The following MGA variants were observed in gnomAD, a reference collection of about 807,000 sequenced individuals.
MGA encodes MAX dimerization protein MGA.
Under a neutral mutation model 261.1 loss-of-function variants are expected in MGA, and 40 were observed. The ratio of observed to expected loss-of-function variants is 0.15; its 90% confidence interval spans 0.12 to 0.20. MGA has a LOEUF of 0.20. Among genes scored for constraint, MGA ranks in the 10% least tolerant of loss-of-function variants. The pLI, the probability that MGA is intolerant of heterozygous loss-of-function variation, is 1.00. For missense variants in MGA, 3,397 were observed against 3,630.5 expected (o/e 0.94, Z 1.65); for synonymous variants, 1,302 against 1,290.6 (o/e 1.01, Z -0.19).
chr15:41,676,099 C>T (rs1471739067), intron 2 of MGA, among the ~76,000 whole-genome samples: 1 of 152,132 alleles, frequency 6.6e-6, no homozygotes, highest in African/African-American at 2.4e-5. Context: ...CCTGGAGTTT[C>T]TGGCACATAT....
At position 41,668,898 on chromosome 15, in the gene MGA, G is replaced by A. The variant is rs1416391044; in HGVS notation, c.4G>A (p.Glu2Lys). The A allele has an allele frequency of 1.9e-6, 3 of 1,550,316 alleles. No homozygotes were observed. The highest frequency in any genetic ancestry group is 2.6e-6 in the Non-Finnish European group (3 of 1,142,308). The change falls in exon 2 of 24, where the codon GAG becomes AAG. Residue 2 changes from glutamate to lysine, a missense_variant. Around this residue, in one of 9 missense-constraint regions of MGA, gnomAD observed 81 missense variants for 84.3 expected, o/e 0.96. Coordinates refer to ENST00000219905, the MANE Select transcript of MGA (RefSeq NM_001164273.2). ...TACTGAGTTTCCTACTGAAATCATG[G>A]AGGAGAAACAGCAGATTATATTGGC...
In MGA at chr15:41,713,253, T is replaced by C; in HGVS notation, c.3187T>C (p.Leu1063=). The C allele has an allele frequency of 6.2e-7, 1 of 1,613,962 alleles. No individual in the cohort carries two copies. Among genetic ancestry groups the C allele is most frequent in the Non-Finnish European group, 8.5e-7 (1 of 1,179,874 alleles). The change falls in exon 9 of 24, where the codon TTG becomes CTG. Residue 1063 remains leucine (L), a synonymous_variant. Transcript: ENST00000219905. ...GGGTTGTGTATGTTCCAGTCTAGCT[T>C]TGGAGAAGCGCCAACCTGCTCACTG... is the stretch of plus-strand genomic sequence containing the variant.
chr15:41,743,100 A>G lies in MGA; in HGVS notation c.5140A>G (p.Thr1714Ala), dbSNP rs2062210766. ...ATCTTCCTCCATGGTGACCACACCA[A>G]CTTCATCTCTGGGCTCTGTTCCTAT... The change falls in exon 15 of 24, where the codon ACT (threonine) becomes GCT (alanine). Residue 1714 changes from threonine (T) to alanine (A), a missense_variant. Coordinates refer to ENST00000219905, the MANE Select transcript of MGA (RefSeq NM_001164273.2). 1 of 1,613,830 alleles carries G rather than the reference A, an allele frequency of 6.2e-7. No individual in the cohort carries two copies. The highest frequency in any genetic ancestry group is 8.5e-7 in the Non-Finnish European group (1 of 1,179,846).
At chr15:41,656,452 CCACCT>C (rs2057198607), upstream of MGA, among the ~76,000 whole-genome samples, 1 of 151,082 alleles carries the variant, frequency 6.6e-6, no homozygotes, top group African/African-American at 2.4e-5. Flanking sequence ...AACAGTCCTC[CCACCT>C]CACCCTCCTG....
chr15:41,703,752 T>A (rs1026794774), intron 5 of MGA, among the ~76,000 whole-genome samples: 5 of 152,028 alleles, frequency 3.3e-5, no homozygotes, highest in African/African-American at 9.7e-5. Context: ...AAAATAAAAA[T>A]AAAAAATTCA....
intron 9 of MGA, among the ~76,000 whole-genome samples, chr15:41,714,057 C>T (rs890586660): frequency 1.3e-5 from 2 of 151,892 alleles, no homozygotes; most frequent in Non-Finnish European, 2.9e-5. Flanking sequence ...TTGATTTTTT[C>T]GTTTCTGTTA....
At chr15:41,697,990 TC>T (rs1437678101) in intron 3 of MGA, among the ~76,000 whole-genome samples, 1 of 151,972 alleles carries the variant, frequency 6.6e-6, no homozygotes, top group Non-Finnish European at 1.5e-5. Flanking sequence ...TGCCTCAGAC[TC>T]CCGAGTAGCT....
intron 15 of MGA, 23 bp downstream of exon 15, chr15:41,743,195 T>G (rs773273346): frequency 3.8e-6 from 6 of 1,577,036 alleles, no homozygotes; most frequent in Non-Finnish European, 5.2e-6. Context: ...TGTTACTAGC[T>G]GCTTTATTTT....
chr15:41,741,537 G>A (rs1006334869), intron 14 of MGA, among the ~76,000 whole-genome samples: 1 of 152,044 alleles, frequency 6.6e-6, no homozygotes, highest in South Asian at 2.1e-4. Flanking sequence ...TGCTCAGACA[G>A]GAGGAAATGG....
chr15:41,761,928 A>G, intron 21 of MGA, 78 bp downstream of exon 21: 3 of 1,179,108 alleles, frequency 2.5e-6, no homozygotes, highest in Non-Finnish European at 3.6e-6. Context: ...GATCTTTCAG[A>G]TACTTAATTG....
At chr15:41,661,349 C>A (rs1015660935) in intron 1 of MGA, among the ~76,000 whole-genome samples, 1 of 150,832 alleles carries the variant, frequency 6.6e-6, no homozygotes, top group Non-Finnish European at 1.5e-5. Context: ...CCCACCGCCC[C>A]CCCAAAGCTC....
chr15:41,656,538 T>C (rs2057202394), upstream of MGA, among the ~76,000 whole-genome samples: 1 of 151,560 alleles, frequency 6.6e-6, no homozygotes, highest in African/African-American at 2.4e-5. Context: ...TATTTTATTT[T>C]TGGTAGAGAC....
chr15:41,712,121 T>C (rs2060416472), intron 8 of MGA, among the ~76,000 whole-genome samples: 1 of 152,214 alleles, frequency 6.6e-6, no homozygotes, highest in Admixed American at 6.5e-5. Context: ...TTTATTTTTA[T>C]ATTTTAGAAG....
At chr15:41,761,242 ACAGT>A (rs2063439214) in intron 20 of MGA, among the ~76,000 whole-genome samples, 2 of 152,256 alleles carry the variant, frequency 1.3e-5, no homozygotes, top group South Asian at 2.1e-4. Flanking sequence ...TTAACAGTTG[ACAGT>A]CATTTTAAAA....
At chr15:41,701,449 C>T (rs1322288206) in intron 5 of MGA, among the ~76,000 whole-genome samples, 1 of 152,146 alleles carries the variant, frequency 6.6e-6, no homozygotes, top group Non-Finnish European at 1.5e-5. Context: ...CTTTTATAGA[C>T]ATCTTAGTCA....
intron 11 of MGA, among the ~76,000 whole-genome samples, chr15:41,733,705 A>G (rs1567048762): frequency 6.6e-6 from 1 of 152,352 alleles, no homozygotes; most frequent in East Asian, 1.9e-4. Context: ...GCATGTATGT[A>G]TGTTTACTCA....
intron 7 of MGA, among the ~76,000 whole-genome samples, chr15:41,708,851 A>G (rs1003589953): frequency 6.6e-6 from 1 of 152,168 alleles, no homozygotes; most frequent in Non-Finnish European, 1.5e-5. Context: ...TATACTTCAA[A>G]CTAAACTAAT....
In MGA at chr15:41,696,368, T is replaced by C. The variant is rs957840748; in HGVS notation, c.1358T>C (p.Val453Ala). The C allele has an allele frequency of 6.2e-7, 1 of 1,613,972 alleles. No homozygotes were observed. The highest frequency in any genetic ancestry group is 8.5e-7 in the Non-Finnish European group (1 of 1,179,894). ...TGGCTTCCAAGCAGCCCATCAGGTGTTGCTAAAGCTAAAATGTTCAAATTA... is the reference window on the plus strand; with the variant it reads ...TGGCTTCCAAGCAGCCCATCAGGTGCTGCTAAAGCTAAAATGTTCAAATTA... The change falls in exon 3 of 24, where the codon GTT becomes GCT. Residue 453 changes from valine (V) to alanine (A), a missense_variant. Val to Ala is a moderately conservative substitution (Grantham distance 64). This residue lies in a region of MGA where 563 missense variants were observed against 563.6 expected (regional missense o/e 1.00). Coordinates refer to ENST00000219905, the MANE Select transcript of MGA (RefSeq NM_001164273.2).
intron 9 of MGA, among the ~76,000 whole-genome samples, chr15:41,716,112 T>G (rs1245833095): frequency 6.6e-6 from 1 of 151,912 alleles, no homozygotes; most frequent in East Asian, 1.9e-4. Flanking sequence ...CTATTCCCTA[T>G]CTAGGAGCCA....
Sources: gnomAD v4.1 joint callset for allele counts (sites outside exome capture counted in the v4.1 genomes callset) on GRCh38, gnomAD v4.1.1 for gene constraint, gnomAD v4.1.1 regional missense constraint, MANE v1.5 for transcripts, NCBI Gene and HGNC (gene_info 2026-07-23, HGNC 2026-07-21) for gene names.